Variants in TMEM156 observed in about 807,000 individuals in gnomAD.
TMEM156 encodes transmembrane protein 156.
Under a neutral mutation model 30.5 loss-of-function variants are expected in TMEM156, and 28 were observed. That is an observed-to-expected ratio of 0.92 (90% CI 0.68 to 1.26). TMEM156 has a LOEUF of 1.26. Ranked by LOEUF, TMEM156 falls within the 50% of genes most tolerant of loss-of-function variation. The pLI is 0.00. For synonymous variants in TMEM156, 137 were observed against 119.9 expected (o/e 1.14, Z -0.93); for missense variants, 351 against 340.6 (o/e 1.03, Z -0.24).
At chr4:39,018,675 C>T in intron 1 of TMEM156, among the ~76,000 whole-genome samples, 1 of 152,206 alleles carries the variant, frequency 6.6e-6, no homozygotes, top group South Asian at 2.1e-4. Context: ...AGCTATCAGA[C>T]TATTGTTCCT....
intron 5 of TMEM156, among the ~76,000 whole-genome samples, chr4:38,978,174 C>A (rs551157812): frequency 3.3e-5 from 5 of 152,250 alleles, no homozygotes; most frequent in Admixed American, 2.6e-4. Flanking sequence ...AGGGAATTTG[C>A]CCCAGCCATT....
intron 2 of TMEM156, among the ~76,000 whole-genome samples, chr4:38,994,795 A>G (rs945546877): frequency 4.8e-4 from 73 of 152,258 alleles, no homozygotes; most frequent in African/African-American, 1.7e-3. Context: ...TAAAAATACA[A>G]AAATTAGCCA....
intron 1 of TMEM156, among the ~76,000 whole-genome samples, chr4:39,000,814 G>C (rs186969278): frequency 0.01 from 1,583 of 152,204 alleles, 29 homozygotes; most frequent in African/African-American, 0.036. Flanking sequence ...TTGAACCTGG[G>C]AGGTGGAGGT....
At chr4:39,025,230 C>T (rs1715125435) in intron 1 of TMEM156, among the ~76,000 whole-genome samples, 1 of 151,702 alleles carries the variant, frequency 6.6e-6, no homozygotes, top group South Asian at 2.1e-4. Flanking sequence ...CGCCTGTAAT[C>T]CCAGCTACTT....
At chr4:38,992,994 C>T (rs1289290369) in intron 3 of TMEM156, among the ~76,000 whole-genome samples, 2 of 151,026 alleles carry the variant, frequency 1.3e-5, no homozygotes, top group African/African-American at 4.9e-5. Flanking sequence ...AACTCCTGAC[C>T]TCATGATCCT....
intron 1 of TMEM156, among the ~76,000 whole-genome samples, chr4:39,016,101 T>C (rs1397941856): frequency 6.6e-6 from 1 of 152,094 alleles, no homozygotes; most frequent in Non-Finnish European, 1.5e-5. Context: ...CTTGGCTGGG[T>C]GTGGTGGCTC....
At chr4:39,006,381 C>T (rs937299751) in intron 1 of TMEM156, among the ~76,000 whole-genome samples, 4 of 152,052 alleles carry the variant, frequency 2.6e-5, no homozygotes, top group African/African-American at 9.7e-5. Context: ...ACGTTTTCTG[C>T]TTAAAATTTC....
Position 38,998,668 on chromosome 4 carries a change from A to G in TMEM156, c.330T>C (p.Asp110=). The G allele has an allele frequency of 6.2e-7, 1 of 1,612,220 alleles. No individual in the cohort carries two copies. The highest frequency in any genetic ancestry group is 8.5e-7 in the Non-Finnish European group (1 of 1,178,948). ...TTGATGTTTGTTCCTGAGAAATAAAATCCATGTTTCCTTTAGACTCACAAA... is the reference window on the plus strand; with the variant it reads ...TTGATGTTTGTTCCTGAGAAATAAAGTCCATGTTTCCTTTAGACTCACAAA... ...CLVCESKGNM[D]FISQEQTSKV... The change falls in exon 2 of 7, where the codon GAT becomes GAC. Residue 110 remains aspartate (D), a synonymous_variant. Coordinates refer to ENST00000381938, the MANE Select transcript of TMEM156 (RefSeq NM_024943.3).
intron 1 of TMEM156, among the ~76,000 whole-genome samples, chr4:39,026,364 T>A (rs924633581): frequency 1.4e-5 from 1 of 71,940 alleles, no homozygotes; most frequent in South Asian, 5.3e-4. Context: ...AAAATTTTTT[T>A]AAAAAATTAA....
chr4:38,990,557 C>G (rs1041663431), intron 3 of TMEM156, among the ~76,000 whole-genome samples: 8 of 152,138 alleles, frequency 5.3e-5, no homozygotes, highest in Non-Finnish European at 1.2e-4. Context: ...GGGGACCAGA[C>G]CAGCCAGTGC....
chr4:39,014,443 G>A (rs1714343928), intron 1 of TMEM156, among the ~76,000 whole-genome samples: 1 of 152,060 alleles, frequency 6.6e-6, no homozygotes, highest in African/African-American at 2.4e-5. Flanking sequence ...TTCTGATGTT[G>A]CTTTTGTCAC....
At chr4:38,989,851 G>C (rs946145817) in intron 3 of TMEM156, among the ~76,000 whole-genome samples, 17 of 152,012 alleles carry the variant, frequency 1.1e-4, no homozygotes, top group African/African-American at 3.1e-4. Flanking sequence ...CCAGGCTGGA[G>C]TGCAATGGCG....
intron 5 of TMEM156, among the ~76,000 whole-genome samples, chr4:38,986,059 C>A (rs1221363309): frequency 6.6e-6 from 1 of 152,200 alleles, no homozygotes; most frequent in Non-Finnish European, 1.5e-5. Flanking sequence ...AAATCTAAGT[C>A]TTATCCCTAT....
intron 5 of TMEM156, among the ~76,000 whole-genome samples, chr4:38,972,873 G>T (rs776984132): frequency 6.6e-6 from 1 of 152,054 alleles, no homozygotes; most frequent in Non-Finnish European, 1.5e-5. Flanking sequence ...CCCATTAATT[G>T]TTGGTCTTTT....
chr4:38,989,863 G>A (rs1000423415), intron 3 of TMEM156, among the ~76,000 whole-genome samples: 4 of 151,930 alleles, frequency 2.6e-5, no homozygotes, highest in African/African-American at 7.3e-5. Flanking sequence ...GCAATGGCGC[G>A]ATCTCAGCTC....
chr4:38,976,458 T>C (rs1011362391), intron 5 of TMEM156, among the ~76,000 whole-genome samples: 2 of 152,124 alleles, frequency 1.3e-5, no homozygotes, highest in Admixed American at 1.3e-4. Context: ...ATTCTTCCCA[T>C]AACCCGAGTG....
intron 1 of TMEM156, among the ~76,000 whole-genome samples, chr4:39,031,003 G>T (rs1715474921): frequency 6.6e-6 from 1 of 152,140 alleles, no homozygotes; most frequent in African/African-American, 2.4e-5. Context: ...TCATGTAAAT[G>T]CAACATCAAA....
intron 1 of TMEM156, among the ~76,000 whole-genome samples, chr4:39,029,545 T>C (rs531302069): frequency 0.013 from 190 of 14,228 alleles, 74 homozygotes; most frequent in Admixed American, 0.041. Flanking sequence ...AAACCCCGTC[T>C]CTACTAAAAA....
intron 3 of TMEM156, among the ~76,000 whole-genome samples, chr4:38,992,550 A>G (rs1035514022): frequency 1.6e-4 from 24 of 150,724 alleles, no homozygotes; most frequent in East Asian, 5.8e-4. Context: ...ACCTCACCCT[A>G]TCTTCACAGC....
Sources: gnomAD v4.1 joint callset for allele counts (sites outside exome capture counted in the v4.1 genomes callset) on GRCh38, gnomAD v4.1.1 for gene constraint, MANE v1.5 for transcripts, NCBI Gene and HGNC (gene_info 2026-07-23, HGNC 2026-07-21) for gene names.